The following LRRC4C variants were observed in gnomAD, a reference collection of about 807,000 sequenced individuals.
LRRC4C encodes the protein leucine rich repeat containing 4C, also known as leucine-rich repeat-containing protein 4C.
A neutral mutation model predicts 33.6 loss-of-function variants in LRRC4C; 5 were observed. The ratio of observed to expected loss-of-function variants is 0.15; its 90% CI spans 0.08 to 0.31. The LOEUF is 0.31. Among genes scored for constraint, LRRC4C ranks in the 10% least tolerant of loss-of-function variants. The probability of loss-of-function intolerance (pLI) is 1.00; values close to 1 mark genes in which losing one functional copy is unlikely to be tolerated. For synonymous variants in LRRC4C, 329 were observed against 302.0 expected, an observed-to-expected ratio of 1.09 and a Z score of -0.93; for missense variants, 560 against 796.7, an observed-to-expected ratio of 0.70 and a Z score of 3.58.
intron 3 of LRRC4C, among the ~76,000 whole-genome samples, chr11:40,364,107 C>A (rs1948094816): frequency 6.6e-6 from 1 of 151,722 alleles, no homozygotes; most frequent in South Asian, 2.1e-4. Flanking sequence ...AAACAAAGAC[C>A]AGAATGTTGA....
chr11:40,415,391 C>A (rs746420548), intron 3 of LRRC4C, among the ~76,000 whole-genome samples: 1 of 152,094 alleles, frequency 6.6e-6, no homozygotes, highest in Admixed American at 6.6e-5. Flanking sequence ...CAATGGAACA[C>A]GTGCATGGGG....
chr11:41,320,463 T>C (rs978104481), intron 1 of LRRC4C, among the ~76,000 whole-genome samples: 3 of 152,256 alleles, frequency 2.0e-5, no homozygotes, highest in African/African-American at 7.2e-5. Flanking sequence ...TTTCCATTTC[T>C]GTCTAAATAG....
At chr11:41,116,615 G>C (rs993883524) in intron 1 of LRRC4C, among the ~76,000 whole-genome samples, 4 of 152,194 alleles carry the variant, frequency 2.6e-5, no homozygotes, top group Middle Eastern at 3.4e-3. Flanking sequence ...TGGAGAAAGA[G>C]TAAAATGGGA....
intron 1 of LRRC4C, among the ~76,000 whole-genome samples, chr11:41,249,036 C>CTTTTTTTTTTTTTTTTTTTTTTT (rs554360740): frequency 6.7e-6 from 1 of 148,984 alleles, no homozygotes; most frequent in African/African-American, 2.5e-5. Flanking sequence ...AAGATACTGT[C>CTTTTTTTTTTTTTTTTTTTTTTT]TTCTTTTTTT....
chr11:41,357,496 T>G (rs1047388310), intron 1 of LRRC4C, among the ~76,000 whole-genome samples: 2 of 152,136 alleles, frequency 1.3e-5, no homozygotes, highest in Non-Finnish European at 2.9e-5. Context: ...TCACCTCTGA[T>G]GTAGGCTCAC....
intron 2 of LRRC4C, among the ~76,000 whole-genome samples, chr11:40,742,861 G>A (rs1462193910): frequency 6.6e-6 from 1 of 151,968 alleles, no homozygotes; most frequent in Non-Finnish European, 1.5e-5. Flanking sequence ...TTTATAATAT[G>A]TGAGTACAGA....
intron 2 of LRRC4C, among the ~76,000 whole-genome samples, chr11:40,836,306 G>C (rs1417479487): frequency 6.6e-6 from 1 of 152,176 alleles, no homozygotes. Flanking sequence ...GCAAAACTTT[G>C]TGAGAGCTGA....
rs1565256119 is a variant in LRRC4C at position 40,307,006 on chromosome 11, C to CTATCTATCTT, written c.-176+12621_-176+12622insAAGATAGATA. On this transcript the variant is annotated intron_variant, in intron 4 of 6. Transcript: ENST00000528697. The stretch of plus-strand genomic sequence containing the variant: ...GTTAGATATCTATGTATCTATGTAT[C>CTATCTATCTT]TATCTATCTAATATCTATCTATCTA... Among the ~76,000 whole-genome samples the CTATCTATCTT allele has an allele frequency of 2.7e-5, 4 of 150,792 alleles. No individual in the cohort carries two copies. In the East Asian group the frequency reaches 7.8e-4, roughly 29 times the overall value.
chr11:40,927,997 C>A (rs975553191), intron 2 of LRRC4C, among the ~76,000 whole-genome samples: 14 of 151,788 alleles, frequency 9.2e-5, no homozygotes, highest in African/African-American at 2.9e-4. Context: ...TTAAGTAGAT[C>A]CATAACTTTT....
chr11:41,374,616 G>A (rs1952871554), intron 1 of LRRC4C, among the ~76,000 whole-genome samples: 1 of 152,136 alleles, frequency 6.6e-6, no homozygotes, highest in Non-Finnish European at 1.5e-5. Context: ...ACAGCAGTAT[G>A]TAGACATTTA....
At chr11:40,155,611 T>C (rs1326323689) in intron 5 of LRRC4C, among the ~76,000 whole-genome samples, 3 of 151,978 alleles carry the variant, frequency 2.0e-5, no homozygotes, top group African/African-American at 4.8e-5. Flanking sequence ...CCAGAAGAGA[T>C]GGATAAATTC....
intron 2 of LRRC4C, among the ~76,000 whole-genome samples, chr11:40,653,040 A>G (rs1273188269): frequency 2.0e-5 from 3 of 152,176 alleles, no homozygotes; most frequent in Non-Finnish European, 2.9e-5. Flanking sequence ...CATGATTGTA[A>G]GTGTCATGAG....
chr11:41,301,407 A>G (rs549254911), intron 1 of LRRC4C, among the ~76,000 whole-genome samples: 1 of 152,202 alleles, frequency 6.6e-6, no homozygotes. Flanking sequence ...TGGGGGTGGG[A>G]AAAACCTAAA....
intron 4 of LRRC4C, among the ~76,000 whole-genome samples, chr11:40,282,168 G>A (rs1288756218): frequency 6.6e-6 from 1 of 152,124 alleles, no homozygotes; most frequent in African/African-American, 2.4e-5. Context: ...GGCCAACATG[G>A]TGAAACCCTG....
intron 1 of LRRC4C, among the ~76,000 whole-genome samples, chr11:41,024,708 C>T (rs969654805): frequency 6.6e-6 from 1 of 151,500 alleles, no homozygotes; most frequent in African/African-American, 2.4e-5. Flanking sequence ...TAAACAGTTC[C>T]CTGTTTCGTC....
At chr11:41,369,086 A>T (rs1952649213) in intron 1 of LRRC4C, among the ~76,000 whole-genome samples, 1 of 152,226 alleles carries the variant, frequency 6.6e-6, no homozygotes, top group South Asian at 2.1e-4. Context: ...ATATTAGTCA[A>T]GCACCAATCA....
At chr11:41,446,907 A>C (rs1213908250) in intron 1 of LRRC4C, among the ~76,000 whole-genome samples, 2 of 152,166 alleles carry the variant, frequency 1.3e-5, no homozygotes, top group Non-Finnish European at 2.9e-5. Flanking sequence ...TAACAAGTAA[A>C]GTCCTTACAG....
intron 5 of LRRC4C, among the ~76,000 whole-genome samples, chr11:40,189,794 A>C (rs1861689568): frequency 6.6e-6 from 1 of 152,236 alleles, no homozygotes; most frequent in South Asian, 2.1e-4. Context: ...GCATGACGGA[A>C]ATAGTTTTGA....
chr11:41,219,608 C>G (rs1268072201), intron 1 of LRRC4C, among the ~76,000 whole-genome samples: 2 of 152,154 alleles, frequency 1.3e-5, no homozygotes, highest in South Asian at 4.1e-4. Flanking sequence ...GGCACTTTTT[C>G]TTTTTTCTCT....
Sources: allele counts gnomAD v4.1 joint callset (sites outside exome capture counted in the v4.1 genomes callset), GRCh38; gene constraint gnomAD v4.1.1; transcripts MANE v1.5; gene names NCBI Gene and HGNC (gene_info 2026-07-23, HGNC 2026-07-21).